The following KIF21B variants were observed in gnomAD, a reference collection of about 807,000 sequenced individuals.
The protein encoded by KIF21B is kinesin family member 21B.
In KIF21B, 85 loss-of-function variants were observed where a neutral mutation model predicts 192.9. The ratio of observed to expected loss-of-function variants is 0.44; its 90% CI spans 0.37 to 0.53. The LOEUF (loss-of-function observed/expected upper bound fraction) is 0.53, where lower values mean the gene tolerates loss of function less well. Among genes scored for constraint, KIF21B ranks in the 20% least tolerant of loss-of-function variants. The pLI is 0.00. For missense variants in KIF21B, 1,716 were observed against 2,194.8 expected (o/e 0.78, Z 4.36); for synonymous variants, 832 against 884.6 (o/e 0.94, Z 1.05).
At chr1:200,978,670 C>A (rs545969911) in intron 30 of KIF21B, among the ~76,000 whole-genome samples, 1 of 152,244 alleles carries the variant, frequency 6.6e-6, no homozygotes, top group African/African-American at 2.4e-5. Context: ...GCCCTAAAAA[C>A]CCTCTGTTTA....
chr1:200,999,489 G>A lies in KIF21B; in HGVS notation c.1768-23C>T, dbSNP rs754049006. ...CTCCTGGGCACCAGGCACCATTGGG[G>A]TGGGCCTGGCCTCAGAGAGGGGAGC... On this transcript the variant is annotated intron_variant, in intron 12 of 34. Coordinates refer to ENST00000461742, the MANE Select transcript of KIF21B (RefSeq NM_001252102.2). The surrounding 1 kb of genome is among the most constrained non-coding windows in gnomAD (Gnocchi z 4.7). The A allele has an allele frequency of 2.6e-5, 42 of 1,610,794 alleles. No individual in the cohort carries two copies. Among genetic ancestry groups the A allele is most frequent in the Non-Finnish European group, 3.4e-5 (40 of 1,178,064 alleles).
In KIF21B at chr1:200,999,368, G is replaced by A; in HGVS notation, c.1866C>T (p.Asp622=). ...ACGCACCCTTCTCCTCGGGGTCTGA[G>A]TCTGAGTCCACCAGGCTCTCTTCAC... is the stretch of plus-strand genomic sequence containing the variant. ...SGSEESLVDS[D]SDPEEKEVNF... is the part of the protein sequence containing the mutation. The change falls in exon 13 of 35, where the codon GAC becomes GAT. Residue 622 remains aspartate, a synonymous_variant. Coordinates refer to ENST00000461742, the MANE Select transcript of KIF21B (RefSeq NM_001252102.2). This position sits in a 1 kb window ranked among gnomAD's most constrained non-coding sequence, Gnocchi z 4.7. 1 of 1,614,140 alleles carries A rather than the reference G, an allele frequency of 6.2e-7. No homozygotes were observed. The highest frequency in any genetic ancestry group is 8.5e-7 in the Non-Finnish European group (1 of 1,180,022).
chr1:200,973,408 C>A lies in KIF21B; in HGVS notation c.*113G>T. The A allele has an allele frequency of 7.8e-7, 1 of 1,286,522 alleles. No individual in the cohort carries two copies. Among genetic ancestry groups the A allele is most frequent in the Non-Finnish European group, 1.0e-6 (1 of 996,830 alleles). The allele number at this position is 1,286,522 out of a possible 1,614,324, so 79.7% of individuals were successfully genotyped here. On this transcript the variant is annotated 3_prime_UTR_variant, in exon 35 of 35. Coordinates refer to ENST00000461742, the MANE Select transcript of KIF21B (RefSeq NM_001252102.2). ...AGAGGGAGGAGGGCAGGAGAGGGGG[C>A]CACGCCCTCTGTCCCCAGAGCAGCT...
intron 30 of KIF21B, among the ~76,000 whole-genome samples, chr1:200,977,931 T>G (rs1655666861): frequency 6.7e-6 from 1 of 148,872 alleles, no homozygotes; most frequent in South Asian, 2.1e-4. Flanking sequence ...ACGGGGTTTC[T>G]TCATATTGGT....
intron 15 of KIF21B, among the ~76,000 whole-genome samples, 177 bp downstream of exon 15, chr1:200,996,019 A>T (rs534882164): frequency 2.4e-4 from 37 of 152,272 alleles, no homozygotes; most frequent in African/African-American, 8.9e-4. Context: ...ACCTTGGACG[A>T]TGCACTCAGC....
Position 201,000,765 on chromosome 1 carries a change from G to A in KIF21B, c.1418C>T (p.Ala473Val), listed in dbSNP as rs1304885231. 1.2e-6 allele frequency: 2 copies of A among 1,614,110 alleles called. No homozygotes were observed. Among genetic ancestry groups the A allele is most frequent in the African/African-American group, 1.3e-5 (1 of 74,954 alleles). ...GTAGTTCTGGATCAGCGCACCAATG[G>A]CCTCATTGCCATCGCCTGGAGTGGG... ...LLAKAGDGNE[A>V]IGALIQNYIR... Residue 473 changes from alanine (A) to valine (V), a missense_variant, in exon 10 of 35, where the codon GCC (alanine) becomes GTC (valine). Physicochemically the swap from Ala to Val is moderately conservative, Grantham distance 64. Around this residue, in one of 3 missense-constraint regions of KIF21B, gnomAD observed 1,087 missense variants for 1,316.6 expected, o/e 0.83. Coordinates refer to ENST00000461742, the MANE Select transcript of KIF21B (RefSeq NM_001252102.2). The surrounding 1 kb of genome is among the most constrained non-coding windows in gnomAD (Gnocchi z 6.0).
Position 201,000,075 on chromosome 1 carries a change from G to T in KIF21B, c.1686-111C>A. ...GAAGGCTCTCACCAGAGGCCGGGGA[G>T]AGCACTGGCTCCTACTCTGCAGAGA... is the stretch of plus-strand genomic sequence containing the variant. On this transcript the variant is annotated intron_variant, in intron 11 of 34. Transcript: ENST00000461742. This position sits in a 1 kb window ranked among gnomAD's most constrained non-coding sequence, Gnocchi z 6.0. The T allele has an allele frequency of 1.0e-6, 1 of 964,146 alleles. No individual in the cohort carries two copies. Among genetic ancestry groups the T allele is most frequent in the Non-Finnish European group, 1.6e-6 (1 of 612,632 alleles). 59.7% of individuals were successfully genotyped at this position (964,146 alleles called of 1,614,324 possible).
At chr1:201,009,224 C>A in intron 2 of KIF21B, 42 bp downstream of exon 2, 5 of 1,571,102 alleles carry the variant, frequency 3.2e-6, no homozygotes, top group Non-Finnish European at 3.5e-6. Context: ...TGCAGGGAGA[C>A]CAAGGCTGGA....
Position 201,023,243 on chromosome 1 carries a change from G to T in KIF21B, c.41+100C>A. 1 of 1,054,282 alleles carries T rather than the reference G, an allele frequency of 9.5e-7. No homozygotes were observed. The highest frequency in any genetic ancestry group is 1.3e-6 in the Non-Finnish European group (1 of 770,036). 65.3% of individuals were successfully genotyped at this position (1,054,282 alleles called of 1,614,324 possible). ...CGCCGGCCCCTCCTCCGGGAGTGCA[G>T]GCTCCAGCCCAAGCGGTGCTCGCGC... is the stretch of plus-strand genomic sequence containing the variant. On this transcript the variant is annotated intron_variant, in intron 1 of 34. Coordinates refer to ENST00000461742, the MANE Select transcript of KIF21B (RefSeq NM_001252102.2). The surrounding 1 kb of genome is among the most constrained non-coding windows in gnomAD (Gnocchi z 5.9).
chr1:200,973,909 AGGACGGT>A, intron 34 of KIF21B: 5 of 1,487,376 alleles, frequency 3.4e-6, no homozygotes, highest in Non-Finnish European at 4.5e-6. Flanking sequence ...TGCTTGGAAA[AGGACGGT>A]GGGTGCAGGA....
Position 201,009,284 on chromosome 1 carries a change from C to A in KIF21B, c.246G>T (p.Thr82=). ...GGCTTACCTGCCCATAGGCCAGCAC[C>A]GTGGCATTATAGCCCTCGAAGCAGC... ...IEGCFEGYNA[T]VLAYGQTGAG... Residue 82 remains threonine (T), a synonymous_variant, in exon 2 of 35, where the codon ACG becomes ACT. Transcript: ENST00000461742. The A allele has an allele frequency of 6.2e-7, 1 of 1,614,116 alleles. No homozygotes were observed.
chr1:200,997,078 T>A (rs991489342), intron 14 of KIF21B, among the ~76,000 whole-genome samples: 1 of 152,180 alleles, frequency 6.6e-6, no homozygotes, highest in African/African-American at 2.4e-5. Flanking sequence ...CCTGGGATCT[T>A]TAGAACAGTT....
chr1:201,010,921 G>C (rs910437827), intron 1 of KIF21B, among the ~76,000 whole-genome samples: 1 of 152,232 alleles, frequency 6.6e-6, no homozygotes, highest in African/African-American at 2.4e-5. Context: ...CCAGCGGGGA[G>C]GGGTTGGGGG....
chr1:200,983,264 T>G (rs1656064909), intron 27 of KIF21B, among the ~76,000 whole-genome samples, 170 bp from the exon 28 acceptor site: 1 of 151,450 alleles, frequency 6.6e-6, no homozygotes, highest in Admixed American at 6.6e-5. Flanking sequence ...AGGAGGTGGG[T>G]GGGCTGGTCT....
chr1:201,008,649 C>T, intron 3 of KIF21B, 120 bp downstream of exon 3: 1 of 938,524 alleles, frequency 1.1e-6, no homozygotes, highest in Non-Finnish European at 1.6e-6. Context: ...GGGAACTCAT[C>T]ACCTGGAGAT....
At chr1:201,012,647 G>C (rs1658303816) in intron 1 of KIF21B, among the ~76,000 whole-genome samples, 1 of 152,058 alleles carries the variant, frequency 6.6e-6, no homozygotes. Context: ...ATGTATGTAT[G>C]TATGTATGTT....
At chr1:200,974,051 AAG>A (rs769560112) in intron 34 of KIF21B, 6 of 1,601,448 alleles carry the variant, frequency 3.7e-6, no homozygotes, top group South Asian at 3.4e-5. Context: ...GGGAAAAGGA[AAG>A]AGGGGAAGAA....
intron 1 of KIF21B, among the ~76,000 whole-genome samples, chr1:201,010,931 G>A (rs567896875): frequency 6.6e-6 from 1 of 152,356 alleles, no homozygotes; most frequent in Admixed American, 6.5e-5. Flanking sequence ...GGGGTTGGGG[G>A]TGAGCAACAC....
At chr1:201,019,440 C>T (rs1442545816) in intron 1 of KIF21B, among the ~76,000 whole-genome samples, 2 of 152,140 alleles carry the variant, frequency 1.3e-5, no homozygotes, top group African/African-American at 2.4e-5. Flanking sequence ...TGCCCCATGA[C>T]GAAGCCAGTG....
Sources: gnomAD v4.1 joint callset for allele counts (sites outside exome capture counted in the v4.1 genomes callset) on GRCh38, gnomAD v4.1.1 for gene constraint, gnomAD v4.1.1 regional missense constraint, Gnocchi (gnomAD v3.1) non-coding constraint, MANE v1.5 for transcripts, NCBI Gene and HGNC (gene_info 2026-07-23, HGNC 2026-07-21) for gene names.